The following TBC1D9 variants were observed in gnomAD, a reference collection of about 807,000 sequenced individuals.
The protein encoded by TBC1D9 is TBC1 domain family member 9, also known as TBC1 domain family member 9A.
A neutral mutation model predicts 132.0 loss-of-function variants in TBC1D9; 63 were observed. The ratio of observed to expected loss-of-function variants is 0.48; its 90% confidence interval spans 0.39 to 0.59. The LOEUF is 0.59. Among genes scored for constraint, TBC1D9 ranks in the 20% least tolerant of loss-of-function variants. The pLI is 0.00. For missense variants in TBC1D9, 1,261 were observed against 1,592.7 expected (o/e 0.79, Z 3.54); for synonymous variants, 610 against 609.9 (o/e 1.00, Z 0.00).
chr4:140,718,345 T>G (rs2111055784), intron 1 of TBC1D9, among the ~76,000 whole-genome samples: 1 of 152,300 alleles, frequency 6.6e-6, no homozygotes, highest in African/African-American at 2.4e-5. Context: ...ACATTTTTAT[T>G]AAGACAGAAC....
chr4:140,711,872 TATGA>T (rs1163218178), intron 1 of TBC1D9, among the ~76,000 whole-genome samples: 10 of 152,186 alleles, frequency 6.6e-5, no homozygotes, highest in Admixed American at 5.2e-4. Context: ...CAAAACTAAA[TATGA>T]ATATTAACAT....
At chr4:140,717,864 A>C (rs1738361914) in intron 1 of TBC1D9, among the ~76,000 whole-genome samples, 1 of 152,180 alleles carries the variant, frequency 6.6e-6, no homozygotes, top group Non-Finnish European at 1.5e-5. Context: ...TTAAGTCTAC[A>C]GGTCACAACT....
chr4:140,645,677 C>T (rs1030691709), intron 13 of TBC1D9, among the ~76,000 whole-genome samples: 2 of 152,196 alleles, frequency 1.3e-5, no homozygotes, highest in Non-Finnish European at 2.9e-5. Context: ...AATTCCAAGG[C>T]CTCTAAGCCC....
At chr4:140,750,306 G>T (rs935384572) in intron 1 of TBC1D9, among the ~76,000 whole-genome samples, 1 of 151,518 alleles carries the variant, frequency 6.6e-6, no homozygotes. Flanking sequence ...TGTCAAGAAA[G>T]GCAAAGACAA....
chr4:140,698,142 T>C (rs1021761600), intron 2 of TBC1D9, among the ~76,000 whole-genome samples: 7 of 152,232 alleles, frequency 4.6e-5, no homozygotes, highest in African/African-American at 1.2e-4. Context: ...GCTTTCCCAA[T>C]CAACTACGGC....
chr4:140,722,047 C>T (rs1293548935), intron 1 of TBC1D9, among the ~76,000 whole-genome samples: 1 of 152,162 alleles, frequency 6.6e-6, no homozygotes, highest in East Asian at 1.9e-4. Context: ...CCTCCCCTGT[C>T]CTGGGACTCC....
intron 13 of TBC1D9, among the ~76,000 whole-genome samples, chr4:140,648,079 C>T (rs903833982): frequency 1.3e-5 from 2 of 152,170 alleles, no homozygotes; most frequent in Non-Finnish European, 2.9e-5. Context: ...CTCTCAGGCA[C>T]CACATATTCC....
intron 10 of TBC1D9, among the ~76,000 whole-genome samples, chr4:140,661,017 C>T (rs1055175309): frequency 3.3e-5 from 5 of 152,046 alleles, no homozygotes; most frequent in African/African-American, 1.2e-4. Flanking sequence ...CGGGTTCAGG[C>T]CATTCTCCTG....
rs1182517300 is a variant in TBC1D9, at chr4:140,686,329, CT to C, written c.360+14del. 4 of 1,343,754 alleles carry C rather than the reference CT, an allele frequency of 3.0e-6. No homozygotes were observed. Among genetic ancestry groups the C allele is most frequent in the Non-Finnish European group, 4.2e-6 (4 of 955,388 alleles). 83.2% of individuals were successfully genotyped at this position (1,343,754 alleles called of 1,614,324 possible). Reference sequence around the variant, plus strand: ...AATTATTTCCAATTAAAATGTTTTTCTTTTATCCCACTACCTGTATTTTTCC... The same window carrying C: ...AATTATTTCCAATTAAAATGTTTTTCTTTATCCCACTACCTGTATTTTTCC... On this transcript the variant is annotated intron_variant, in intron 3 of 20. Coordinates refer to ENST00000442267, the MANE Select transcript of TBC1D9 (RefSeq NM_015130.3).
rs150094278 is a variant in TBC1D9, at chr4:140,715,269, C to T, written c.131-13655G>A. On this transcript the variant is annotated intron_variant, in intron 1 of 20. Transcript: ENST00000442267. ...CATGTCTGACCCCCCTTTCTCATCA[C>T]GGCCTGAACTAGTTTTTCAGGTTTA... is the stretch of plus-strand genomic sequence containing the variant. 4.5e-3 allele frequency among the ~76,000 whole-genome samples: 686 copies of T among 152,268 alleles called. 2 individuals carry two copies. Among genetic ancestry groups the T allele is most frequent in the African/African-American group, 0.015 (639 of 41,540 alleles).
At chr4:140,717,301 G>C (rs1738350312) in intron 1 of TBC1D9, among the ~76,000 whole-genome samples, 2 of 152,150 alleles carry the variant, frequency 1.3e-5, no homozygotes, top group Non-Finnish European at 2.9e-5. Context: ...GAAAGAGAGA[G>C]GGAGAGGGGA....
intron 15 of TBC1D9, among the ~76,000 whole-genome samples, chr4:140,637,357 G>GAA (rs11401987): frequency 1.9e-4 from 27 of 141,982 alleles, no homozygotes; most frequent in South Asian, 4.5e-4. Context: ...CTCAAAGAAG[G>GAA]AAAAAAAAAA....
chr4:140,623,985 A>C, intron 20 of TBC1D9, 131 bp downstream of exon 20: 1 of 714,168 alleles, frequency 1.4e-6, no homozygotes, highest in Non-Finnish European at 2.2e-6. Flanking sequence ...AATAGGTCCA[A>C]ATGGATACTA....
intron 15 of TBC1D9, among the ~76,000 whole-genome samples, chr4:140,635,369 C>A (rs1204897511): frequency 1.3e-5 from 2 of 152,092 alleles, no homozygotes; most frequent in Non-Finnish European, 2.9e-5. Context: ...GTAGTCCCAG[C>A]TACTTGGGAG....
intron 2 of TBC1D9, among the ~76,000 whole-genome samples, chr4:140,697,792 A>G (rs1477533296): frequency 6.6e-6 from 1 of 152,220 alleles, no homozygotes; most frequent in Non-Finnish European, 1.5e-5. Flanking sequence ...ATAAATGTCA[A>G]TGACAACAAA....
chr4:140,754,860 T>C (rs1371206589), intron 1 of TBC1D9, among the ~76,000 whole-genome samples: 1 of 152,126 alleles, frequency 6.6e-6, no homozygotes, highest in African/African-American at 2.4e-5. Context: ...ACCTGAATTT[T>C]AATCTTAAGA....
intron 13 of TBC1D9, among the ~76,000 whole-genome samples, chr4:140,647,480 T>C (rs192330953): frequency 6.6e-6 from 1 of 152,342 alleles, no homozygotes; most frequent in Non-Finnish European, 1.5e-5. Context: ...CCTATGTGAG[T>C]GGGCAACTCA....
At position 140,621,059 on chromosome 4, in the gene TBC1D9, G is replaced by C. The variant is rs971563915; in HGVS notation, c.*1136C>G. The stretch of plus-strand genomic sequence containing the variant: ...AAATCATAACAGTAATAAAAAAGAA[G>C]CAAGAATTCAAAGTGCAGGTGCGCT... On this transcript the variant is annotated 3_prime_UTR_variant, in exon 21 of 21. Coordinates refer to ENST00000442267, the MANE Select transcript of TBC1D9 (RefSeq NM_015130.3). 1 of 152,604 alleles carries C rather than the reference G, an allele frequency of 6.6e-6. No individual in the cohort carries two copies. The highest frequency in any genetic ancestry group is 6.5e-5 in the Admixed American group (1 of 15,278). The allele number at this position is 152,604 out of a possible 1,614,324, so 9.5% of individuals were successfully genotyped here. A position where few individuals can be genotyped will look rare whatever the true frequency, so the allele number is the denominator to read the frequency against.
chr4:140,695,702 C>A (rs559304281), intron 2 of TBC1D9, among the ~76,000 whole-genome samples: 1 of 152,286 alleles, frequency 6.6e-6, no homozygotes, highest in East Asian at 1.9e-4. Context: ...GGGCAGAAAG[C>A]CAAATGGCTT....
Sources: allele counts gnomAD v4.1 joint callset (sites outside exome capture counted in the v4.1 genomes callset), GRCh38; gene constraint gnomAD v4.1.1; transcripts MANE v1.5; gene names NCBI Gene and HGNC (gene_info 2026-07-23, HGNC 2026-07-21).